The following NKAIN2 variants were observed in gnomAD, a reference collection of about 807,000 sequenced individuals.
The protein encoded by NKAIN2 is sodium/potassium transporting ATPase interacting 2, also known as sodium/potassium-transporting ATPase subunit beta-1-interacting protein 2.
In NKAIN2, 14 loss-of-function variants were observed where a neutral mutation model predicts 32.6. That is an observed-to-expected ratio of 0.43 (90% CI 0.28 to 0.67). NKAIN2 has a LOEUF of 0.67. Among genes scored for constraint, NKAIN2 ranks in the 30% least tolerant of loss-of-function variants. NKAIN2 has a pLI of 0.17. For missense variants in NKAIN2, 198 were observed against 258.3 expected, an observed-to-expected ratio of 0.77 and a Z score of 1.60; for synonymous variants, 80 against 87.2, an observed-to-expected ratio of 0.92 and a Z score of 0.46.
At chr6:124,776,464 T>C (rs1189371050) in intron 4 of NKAIN2, among the ~76,000 whole-genome samples, 5 of 152,134 alleles carry the variant, frequency 3.3e-5, no homozygotes, top group Non-Finnish European at 7.4e-5. Flanking sequence ...ACAGGAACCA[T>C]AGCCACAGAA....
chr6:124,530,729 C>T (rs935045023), intron 3 of NKAIN2, among the ~76,000 whole-genome samples: 1 of 152,076 alleles, frequency 6.6e-6, no homozygotes, highest in Non-Finnish European at 1.5e-5. Flanking sequence ...TGGGAGCTGC[C>T]GTATAACTCC....
chr6:123,821,260 T>G (rs929705328), intron 1 of NKAIN2, among the ~76,000 whole-genome samples: 1 of 152,234 alleles, frequency 6.6e-6, no homozygotes, highest in East Asian at 1.9e-4. Flanking sequence ...GAAATAACCC[T>G]TTAATGAAAA....
chr6:124,092,133 T>G (rs1562352928), intron 1 of NKAIN2, among the ~76,000 whole-genome samples: 2 of 152,094 alleles, frequency 1.3e-5, no homozygotes, highest in Non-Finnish European at 2.9e-5. Flanking sequence ...AATAATTGCT[T>G]TCTATTTTGT....
intron 1 of NKAIN2, among the ~76,000 whole-genome samples, chr6:123,899,433 G>C (rs1312581062): frequency 6.6e-6 from 1 of 150,988 alleles, no homozygotes; most frequent in African/African-American, 2.4e-5. Flanking sequence ...TTTCTTTTTA[G>C]AATTCATGAT....
chr6:124,365,737 A>G (rs1799491111), intron 3 of NKAIN2, among the ~76,000 whole-genome samples: 1 of 152,046 alleles, frequency 6.6e-6, no homozygotes, highest in Non-Finnish European at 1.5e-5. Flanking sequence ...AAAGGCATAT[A>G]GAATATTCAA....
In NKAIN2 at chr6:123,804,007, T is replaced by TGCCGCCGCC. The variant is rs531771934; in HGVS notation, c.-182_-174dup. 46 of 599,106 alleles carry TGCCGCCGCC rather than the reference T, an allele frequency of 7.7e-5. No homozygotes were observed. Among genetic ancestry groups the TGCCGCCGCC allele is most frequent in the African/African-American group, 1.1e-4 (6 of 52,986 alleles). The allele number at this position is 599,106 out of a possible 1,614,324, so 37.1% of individuals were successfully genotyped here. ...TATGTGTGGCGGGCGCGGCTGGAGC[T>TGCCGCCGCC]GCCGCCGCCGCCGCCGCCGCGCCAG... On this transcript the variant is annotated 5_prime_UTR_variant, in exon 1 of 7. Transcript: ENST00000368417.
At chr6:123,845,954 T>G (rs1188255833) in intron 1 of NKAIN2, among the ~76,000 whole-genome samples, 1 of 152,206 alleles carries the variant, frequency 6.6e-6, no homozygotes, top group Non-Finnish European at 1.5e-5. Flanking sequence ...ACTCTATATT[T>G]TTATTACATG....
At chr6:124,534,817 G>T (rs978535144) in intron 3 of NKAIN2, among the ~76,000 whole-genome samples, 9 of 152,024 alleles carry the variant, frequency 5.9e-5, no homozygotes, top group African/African-American at 2.2e-4. Flanking sequence ...TGACCATAAG[G>T]TCTGTTTTTA....
chr6:124,132,893 T>A (rs1786548525), intron 1 of NKAIN2, among the ~76,000 whole-genome samples: 1 of 152,176 alleles, frequency 6.6e-6, no homozygotes, highest in African/African-American at 2.4e-5. Context: ...GAGCCCCATC[T>A]CTAGGGGAAG....
chr6:123,963,489 C>CTATA (rs1164139162), intron 1 of NKAIN2, among the ~76,000 whole-genome samples: 4 of 151,654 alleles, frequency 2.6e-5, no homozygotes, highest in Admixed American at 2.0e-4. Context: ...TGAATTCTGG[C>CTATA]TATAACTGTG....
intron 4 of NKAIN2, among the ~76,000 whole-genome samples, chr6:124,677,693 T>C (rs1773427658): frequency 6.6e-6 from 1 of 152,176 alleles, no homozygotes; most frequent in Non-Finnish European, 1.5e-5. Context: ...TAGTAATAGT[T>C]ATTTTTGTAA....
intron 1 of NKAIN2, among the ~76,000 whole-genome samples, chr6:124,060,516 T>C (rs1446607353): frequency 6.6e-6 from 1 of 152,146 alleles, no homozygotes; most frequent in Non-Finnish European, 1.5e-5. Flanking sequence ...AAAGCCTGTG[T>C]TCCATTTTGT....
chr6:123,816,792 A>G (rs1773711644), intron 1 of NKAIN2, among the ~76,000 whole-genome samples: 1 of 152,180 alleles, frequency 6.6e-6, no homozygotes, highest in Admixed American at 6.5e-5. Context: ...GTGGTAAGAG[A>G]CAAGAACAGA....
intron 1 of NKAIN2, among the ~76,000 whole-genome samples, chr6:123,889,281 T>C (rs1159201542): frequency 6.6e-6 from 1 of 152,070 alleles, no homozygotes; most frequent in African/African-American, 2.4e-5. Context: ...TTGATCTGAA[T>C]GGCATATTCT....
At chr6:123,874,763 G>A in intron 1 of NKAIN2, among the ~76,000 whole-genome samples, 1 of 151,778 alleles carries the variant, frequency 6.6e-6, no homozygotes, top group South Asian at 2.1e-4. Context: ...TATGTCTATT[G>A]TAGAAAATTG....
At chr6:123,998,741 C>CTGTGTGTGTGTGTG (rs530702348) in intron 1 of NKAIN2, among the ~76,000 whole-genome samples, 3 of 132,640 alleles carry the variant, frequency 2.3e-5, no homozygotes, top group Non-Finnish European at 4.8e-5. Flanking sequence ...CTCTCTCTCT[C>CTGTGTGTGTGTGTG]TCTGTGTGTG....
intron 3 of NKAIN2, among the ~76,000 whole-genome samples, chr6:124,376,717 T>A (rs913064204): frequency 6.6e-6 from 1 of 152,136 alleles, no homozygotes; most frequent in Non-Finnish European, 1.5e-5. Context: ...AACAGAATAA[T>A]GTGATGCATT....
chr6:124,296,184 A>G (rs916272467), intron 2 of NKAIN2, among the ~76,000 whole-genome samples: 14 of 152,070 alleles, frequency 9.2e-5, no homozygotes, highest in African/African-American at 3.4e-4. Context: ...TTCTCCTTGT[A>G]TATTAGAGTA....
intron 2 of NKAIN2, among the ~76,000 whole-genome samples, chr6:124,340,514 T>C (rs1404756611): frequency 6.6e-6 from 1 of 152,136 alleles, no homozygotes; most frequent in Non-Finnish European, 1.5e-5. Flanking sequence ...TTTTTTCTGC[T>C]CCTCTCCCTC....
Sources: gnomAD v4.1 joint callset for allele counts (sites outside exome capture counted in the v4.1 genomes callset) on GRCh38, gnomAD v4.1.1 for gene constraint, MANE v1.5 for transcripts, NCBI Gene and HGNC (gene_info 2026-07-23, HGNC 2026-07-21) for gene names.